Variants in TMEM135 observed in about 807,000 individuals in gnomAD.
TMEM135 encodes peroxisomal membrane protein 52.
Under a neutral mutation model 60.3 loss-of-function variants are expected in TMEM135, and 30 were observed. The ratio of observed to expected loss-of-function variants is 0.50; its 90% CI spans 0.37 to 0.68. The LOEUF (loss-of-function observed/expected upper bound fraction) is 0.68. Ranked by LOEUF, TMEM135 falls within the 30% of genes least tolerant of loss-of-function variation. The pLI, the probability that TMEM135 is intolerant of heterozygous loss-of-function variation, is 0.00. For missense variants in TMEM135, 468 were observed against 548.8 expected (o/e 0.85, Z 1.47); for synonymous variants, 190 against 186.7 (o/e 1.02, Z -0.14).
intron 8 of TMEM135, among the ~76,000 whole-genome samples, chr11:87,303,759 T>A (rs1210112418): frequency 6.6e-6 from 1 of 152,176 alleles, no homozygotes; most frequent in Non-Finnish European, 1.5e-5. Flanking sequence ...AGTTCAAAAA[T>A]AATTTTGGGT....
At chr11:87,119,068 G>T (rs957423402) in intron 4 of TMEM135, among the ~76,000 whole-genome samples, 1 of 152,144 alleles carries the variant, frequency 6.6e-6, no homozygotes, top group African/African-American at 2.4e-5. Flanking sequence ...ACTTTCCTTT[G>T]CATTTACAAC....
intron 5 of TMEM135, among the ~76,000 whole-genome samples, chr11:87,193,156 T>C (rs1284945099): frequency 6.6e-6 from 1 of 152,082 alleles, no homozygotes; most frequent in African/African-American, 2.4e-5. Flanking sequence ...TCATCATATA[T>C]AATAGGCCAT....
intron 3 of TMEM135, among the ~76,000 whole-genome samples, chr11:87,088,926 C>A (rs1054530328): frequency 2.6e-5 from 4 of 152,198 alleles, no homozygotes; most frequent in Admixed American, 1.3e-4. Context: ...CAGCATGATG[C>A]CATAAGTGGA....
intron 5 of TMEM135, among the ~76,000 whole-genome samples, chr11:87,197,335 C>T (rs1251613201): frequency 2.0e-5 from 3 of 151,968 alleles, no homozygotes; most frequent in Non-Finnish European, 2.9e-5. Context: ...AAGGGTAAAA[C>T]GTATCAGACT....
rs1387009869 is a variant in TMEM135 at position 87,325,912 on chromosome 11, AAT to A, written c.*4582_*4583del. 1 of 453,940 alleles carries A rather than the reference AAT, an allele frequency of 2.2e-6. No homozygotes were observed. Among genetic ancestry groups the A allele is most frequent in the Non-Finnish European group, 4.4e-6 (1 of 226,756 alleles). The allele number at this position is 453,940 out of a possible 1,614,324, so 28.1% of individuals were successfully genotyped here. A position where few individuals can be genotyped will look rare whatever the true frequency, so the allele number is the denominator to read the frequency against. On this transcript the variant is annotated 3_prime_UTR_variant, in exon 15 of 15. Coordinates refer to ENST00000305494, the MANE Select transcript of TMEM135 (RefSeq NM_022918.4). ...TTTTTTTCCATCTGTCCCTCCTACG[AAT>A]ATGTTTTACATGAAATAATGTATTG...
intron 6 of TMEM135, among the ~76,000 whole-genome samples, chr11:87,260,256 C>A (rs575350489): frequency 2.0e-5 from 3 of 152,270 alleles, no homozygotes; most frequent in Non-Finnish European, 4.4e-5. Context: ...TCTGTTTCTT[C>A]CTTGAATGTT....
chr11:87,274,168 C>G (rs577700287), intron 6 of TMEM135, among the ~76,000 whole-genome samples: 12 of 152,240 alleles, frequency 7.9e-5, no homozygotes, highest in African/African-American at 2.9e-4. Flanking sequence ...GTCGACAAAA[C>G]TTTCAGGTCT....
At chr11:87,106,631 T>C (rs1857603536) in intron 4 of TMEM135, among the ~76,000 whole-genome samples, 2 of 152,120 alleles carry the variant, frequency 1.3e-5, no homozygotes, top group Non-Finnish European at 2.9e-5. Flanking sequence ...TTGAGAAAGA[T>C]TGGTATTAGT....
At chr11:87,271,476 C>G (rs4944690) in intron 6 of TMEM135, among the ~76,000 whole-genome samples, 53,751 of 151,888 alleles carry the variant, frequency 0.35, 10,055 homozygotes, top group Non-Finnish European at 0.42. Context: ...GCTATTGAGC[C>G]CTTGAAATGT....
chr11:87,038,401 A>G (rs1949722423), intron 1 of TMEM135, among the ~76,000 whole-genome samples: 1 of 152,026 alleles, frequency 6.6e-6, no homozygotes, highest in South Asian at 2.1e-4. Flanking sequence ...GGGGAATTAG[A>G]GATTGAGCTG....
intron 6 of TMEM135, among the ~76,000 whole-genome samples, chr11:87,280,582 C>A (rs1275251625): frequency 6.6e-6 from 1 of 151,950 alleles, no homozygotes; most frequent in Non-Finnish European, 1.5e-5. Context: ...TCTGAACAGC[C>A]TTCATGACAC....
intron 5 of TMEM135, among the ~76,000 whole-genome samples, chr11:87,230,209 C>T (rs1940861041): frequency 6.6e-6 from 1 of 152,052 alleles, no homozygotes; most frequent in African/African-American, 2.4e-5. Context: ...TTAAGAATAT[C>T]ATACATAATT....
chr11:87,129,115 G>T (rs777642095), intron 4 of TMEM135, among the ~76,000 whole-genome samples: 22 of 147,978 alleles, frequency 1.5e-4, no homozygotes, highest in African/African-American at 5.0e-4. Flanking sequence ...TACTTTGCTC[G>T]TAAAAAAAAC....
chr11:87,106,848 TACAGGAAGC>T (rs1857609635), intron 4 of TMEM135, among the ~76,000 whole-genome samples: 2 of 152,146 alleles, frequency 1.3e-5, no homozygotes, highest in African/African-American at 4.8e-5. Flanking sequence ...CTGCAGGCTG[TACAGGAAGC>T]ATAGTCCTGG....
chr11:87,125,603 A>T (rs1244095954), intron 4 of TMEM135, among the ~76,000 whole-genome samples: 1 of 152,212 alleles, frequency 6.6e-6, no homozygotes, highest in Non-Finnish European at 1.5e-5. Context: ...ACAAAAGCAG[A>T]TTATATTTAG....
intron 4 of TMEM135, among the ~76,000 whole-genome samples, chr11:87,109,828 C>CTTT (rs35216554): frequency 2.7e-5 from 4 of 150,028 alleles, no homozygotes; most frequent in African/African-American, 4.9e-5. Context: ...AGCACCAACT[C>CTTT]TTTTTTTTTT....
At chr11:87,097,133 A>G (rs1857348718) in intron 4 of TMEM135, among the ~76,000 whole-genome samples, 1 of 151,840 alleles carries the variant, frequency 6.6e-6, no homozygotes, top group South Asian at 2.1e-4. Flanking sequence ...AGTAGTTGGG[A>G]TTACAGGCGC....
chr11:87,281,254 C>A (rs1565154832), intron 6 of TMEM135, among the ~76,000 whole-genome samples: 2 of 151,958 alleles, frequency 1.3e-5, no homozygotes, highest in African/African-American at 4.8e-5. Context: ...AACTTGGCAC[C>A]CAAATAGAAA....
intron 4 of TMEM135, among the ~76,000 whole-genome samples, chr11:87,102,684 A>G (rs1338012290): frequency 4.3e-5 from 6 of 140,534 alleles, no homozygotes; most frequent in South Asian, 2.2e-4. Flanking sequence ...TGATATATAT[A>G]TGTGTGTGTA....
Sources: gnomAD v4.1 joint callset for allele counts (sites outside exome capture counted in the v4.1 genomes callset) on GRCh38, gnomAD v4.1.1 for gene constraint, MANE v1.5 for transcripts, NCBI Gene and HGNC (gene_info 2026-07-23, HGNC 2026-07-21) for gene names.